The following SAMMSON variants were observed in gnomAD, a reference collection of about 807,000 sequenced individuals.
SAMMSON encodes the protein long intergenic non-protein coding RNA 1212.
intron 7 of SAMMSON, among the ~76,000 whole-genome samples, chr3:70,330,692 C>T (rs774257180): frequency 1.1e-4 from 17 of 151,926 alleles, no homozygotes; most frequent in Non-Finnish European, 1.9e-4. Context: ...GTGAAGTATA[C>T]GGGAGAAGAT....
At chr3:70,331,736 C>A (rs1236899856) in intron 7 of SAMMSON, among the ~76,000 whole-genome samples, 1 of 152,098 alleles carries the variant, frequency 6.6e-6, no homozygotes, top group Non-Finnish European at 1.5e-5. Context: ...TAATTTGCAC[C>A]CCTGCCCTTT....
At chr3:70,095,085 C>T (rs2067318721) in intron 4 of SAMMSON, among the ~76,000 whole-genome samples, 3 of 152,138 alleles carry the variant, frequency 2.0e-5, no homozygotes, top group South Asian at 2.1e-4. Context: ...GGCTAGTAAG[C>T]GTCATCACCT....
At chr3:70,310,484 G>A (rs1341019297) in intron 7 of SAMMSON, among the ~76,000 whole-genome samples, 1 of 151,864 alleles carries the variant, frequency 6.6e-6, no homozygotes, top group Non-Finnish European at 1.5e-5. Flanking sequence ...TCCTGCCTCA[G>A]CCTCCTGAGT....
chr3:70,357,360 G>A (rs922825395), intron 8 of SAMMSON, among the ~76,000 whole-genome samples: 2 of 152,154 alleles, frequency 1.3e-5, no homozygotes, highest in African/African-American at 4.8e-5. Flanking sequence ...TTGGTAAGCA[G>A]TGGTTTCTAG....
intron 4 of SAMMSON, among the ~76,000 whole-genome samples, chr3:70,148,536 T>C (rs2106685569): frequency 6.6e-6 from 1 of 152,122 alleles, no homozygotes; most frequent in East Asian, 1.9e-4. Context: ...TTCTGCAGAC[T>C]GTGCAAGAAG....
intron 4 of SAMMSON, among the ~76,000 whole-genome samples, chr3:70,163,595 T>C (rs761396401): frequency 2.6e-5 from 4 of 151,904 alleles, no homozygotes; most frequent in African/African-American, 4.8e-5. Context: ...CTTACTCTCA[T>C]AGGCAGTGAG....
chr3:70,285,754 C>T (rs1702155409), intron 6 of SAMMSON, among the ~76,000 whole-genome samples: 1 of 151,980 alleles, frequency 6.6e-6, no homozygotes, highest in Non-Finnish European at 1.5e-5. Context: ...GCCATTCTAA[C>T]TGGTGTGAGA....
intron 4 of SAMMSON, among the ~76,000 whole-genome samples, chr3:70,224,294 T>G (rs1423674440): frequency 6.6e-6 from 1 of 152,210 alleles, no homozygotes; most frequent in Non-Finnish European, 1.5e-5. Flanking sequence ...CCAAGCACAC[T>G]GCAATGGTGG....
intron 9 of SAMMSON, chr3:70,358,471 A>G (rs1025846967): frequency 6.6e-6 from 1 of 152,154 alleles, no homozygotes; most frequent in African/African-American, 2.4e-5. Flanking sequence ...TGGAACTTCC[A>G]TATCTCTGGC....
At chr3:70,275,658 A>G (rs1343881672) in intron 6 of SAMMSON, among the ~76,000 whole-genome samples, 5 of 152,240 alleles carry the variant, frequency 3.3e-5, no homozygotes, top group Admixed American at 1.3e-4. Context: ...CCCACGCCTC[A>G]GCTTCTTCAT....
intron 6 of SAMMSON, among the ~76,000 whole-genome samples, chr3:70,259,326 C>T (rs1257755583): frequency 1.3e-5 from 2 of 152,006 alleles, no homozygotes; most frequent in Non-Finnish European, 2.9e-5. Context: ...CATCTTTTGA[C>T]TCCAGCTCTT....
intron 3 of SAMMSON, among the ~76,000 whole-genome samples, chr3:70,025,425 T>C (rs569210879): frequency 1.3e-4 from 20 of 152,166 alleles, no homozygotes; most frequent in Admixed American, 3.9e-4. Flanking sequence ...TTGTATTTAG[T>C]AGAGAAGGGG....
intron 2 of SAMMSON, among the ~76,000 whole-genome samples, chr3:70,418,966 TTTCC>T (rs869207848): frequency 1.5e-4 from 8 of 53,040 alleles, no homozygotes; most frequent in South Asian, 5.9e-4. Flanking sequence ...TTTCCTTTCC[TTTCC>T]TTCCTTCCTT....
At chr3:70,251,991 A>T (rs1036718932) in intron 6 of SAMMSON, among the ~76,000 whole-genome samples, 1 of 152,210 alleles carries the variant, frequency 6.6e-6, no homozygotes, top group Non-Finnish European at 1.5e-5. Flanking sequence ...CGTGTTAAGG[A>T]ACTAAAATTG....
intron 4 of SAMMSON, chr3:70,120,722 C>T (rs2067429336): frequency 6.6e-6 from 1 of 152,188 alleles, no homozygotes; most frequent in African/African-American, 2.4e-5. Context: ...TATCCTCTAG[C>T]ACCTAGTCTT....
chr3:70,130,690 A>G (rs2067479310), intron 4 of SAMMSON, among the ~76,000 whole-genome samples: 1 of 152,128 alleles, frequency 6.6e-6, no homozygotes, highest in African/African-American at 2.4e-5. Flanking sequence ...CCCAGGCCAC[A>G]TGGAGAAGCC....
intron 7 of SAMMSON, among the ~76,000 whole-genome samples, chr3:70,322,244 A>T (rs1367560959): frequency 6.6e-6 from 1 of 152,146 alleles, no homozygotes; most frequent in African/African-American, 2.4e-5. Context: ...GATATTATTG[A>T]CCGAGGTATG....
chr3:70,007,451 G>C (rs2066932409), intron 1 of SAMMSON, among the ~76,000 whole-genome samples: 1 of 152,218 alleles, frequency 6.6e-6, no homozygotes, highest in African/African-American at 2.4e-5. Context: ...GTCTTCTTTT[G>C]AGAAGTGTCT....
intron 4 of SAMMSON, among the ~76,000 whole-genome samples, chr3:70,131,329 G>T (rs561828617): frequency 2.6e-5 from 4 of 152,150 alleles, no homozygotes; most frequent in African/African-American, 9.7e-5. Context: ...AGAAGAAAGA[G>T]ACTTCTGTGG....
Sources: gnomAD v4.1 joint callset for allele counts (sites outside exome capture counted in the v4.1 genomes callset) on GRCh38, gnomAD v4.1.1 for gene constraint, MANE v1.5 for transcripts, NCBI Gene and HGNC (gene_info 2026-07-23, HGNC 2026-07-21) for gene names.